SLC35F4: variants seen among roughly 807,000 people sequenced by gnomAD.
SLC35F4 encodes the protein solute carrier family 35 member F4, also known as chromosome 14 open reading frame 36.
A neutral mutation model predicts 44.2 loss-of-function variants in SLC35F4; 24 were observed. That is an observed-to-expected ratio of 0.54 (90% CI 0.39 to 0.76). SLC35F4 has a LOEUF of 0.76. Among genes scored for constraint, SLC35F4 ranks in the 30% least tolerant of loss-of-function variants. The pLI, the probability that SLC35F4 is intolerant of heterozygous loss-of-function variation, is 0.00. For missense variants in SLC35F4, 562 were observed against 586.1 expected, an observed-to-expected ratio of 0.96 and a Z score of 0.42; for synonymous variants, 238 against 223.6, an observed-to-expected ratio of 1.06 and a Z score of -0.57.
intron 1 of SLC35F4, among the ~76,000 whole-genome samples, chr14:57,688,541 T>C (rs2075133532): frequency 6.6e-6 from 1 of 152,222 alleles, no homozygotes; most frequent in Non-Finnish European, 1.5e-5. Context: ...CATATGTTTA[T>C]AGTTTCTGTT....
chr14:57,931,992 C>T (rs900117714), intron 1 of SLC35F4, among the ~76,000 whole-genome samples: 2 of 152,204 alleles, frequency 1.3e-5, no homozygotes, highest in African/African-American at 4.8e-5. Context: ...CTTATTTACT[C>T]TTGACAATGG....
chr14:57,592,456 A>G (rs1174730881), intron 2 of SLC35F4, among the ~76,000 whole-genome samples: 2 of 152,172 alleles, frequency 1.3e-5, no homozygotes, highest in African/African-American at 2.4e-5. Context: ...CTTATGTTCC[A>G]GATGATCTTT....
intron 1 of SLC35F4, among the ~76,000 whole-genome samples, chr14:57,958,704 G>A (rs1267814434): frequency 6.6e-6 from 1 of 152,090 alleles, no homozygotes; most frequent in Non-Finnish European, 1.5e-5. Flanking sequence ...ACCTTTTTAG[G>A]AATGCCTAAA....
rs368125409 is a variant in SLC35F4, at chr14:57,773,859, T to C, written c.103+91864A>G. 7.2e-4 allele frequency among the ~76,000 whole-genome samples: 110 copies of C among 152,256 alleles called. 3 individuals carry two copies. In the East Asian group the frequency reaches 8.1e-3, roughly 11 times the overall value. On this transcript the variant is annotated intron_variant, in intron 1 of 7. Transcript: ENST00000556826. ...TAGGCCCTGAGAAATTGGTATGCAC[T>C]AGTCACAGGAGCCCATGTATTAAAT...
intron 1 of SLC35F4, among the ~76,000 whole-genome samples, chr14:57,719,801 A>AT (rs1437693396): frequency 2.0e-5 from 3 of 151,636 alleles, no homozygotes; most frequent in Admixed American, 6.6e-5. Context: ...GATACCCTTT[A>AT]TTTTTTTCTC....
At chr14:57,933,543 A>G (rs1324474425) in intron 1 of SLC35F4, among the ~76,000 whole-genome samples, 2 of 152,176 alleles carry the variant, frequency 1.3e-5, no homozygotes, top group Non-Finnish European at 2.9e-5. Flanking sequence ...AGAGGAAATA[A>G]GAGGACAAAG....
intron 1 of SLC35F4, among the ~76,000 whole-genome samples, chr14:57,883,938 T>C (rs1888595008): frequency 6.6e-6 from 1 of 152,194 alleles, no homozygotes; most frequent in Non-Finnish European, 1.5e-5. Flanking sequence ...ATTTACAAGC[T>C]CCAATTTTAA....
rs140686165 is a variant in SLC35F4, at chr14:57,590,646, C to G, written c.290-1133G>C. Reference sequence around the variant, plus strand: ...AAAAAACAAGTTAACATAATGAATTCATGTACCTTTCAGGAAGTTAAACAG... The same window carrying G: ...AAAAAACAAGTTAACATAATGAATTGATGTACCTTTCAGGAAGTTAAACAG... On this transcript the variant is annotated intron_variant, in intron 2 of 7. Transcript: ENST00000556826. Among the ~76,000 whole-genome samples, 232 of 152,290 alleles carry G rather than the reference C, an allele frequency of 1.5e-3. 2 individuals carry two copies. Among genetic ancestry groups the G allele is most frequent in the Middle Eastern group, 6.8e-3 (2 of 294 alleles).
At chr14:57,867,637 TTG>T (rs1322826382), upstream of SLC35F4, among the ~76,000 whole-genome samples, 1 of 150,810 alleles carries the variant, frequency 6.6e-6, no homozygotes, top group African/African-American at 2.4e-5. Flanking sequence ...CAGCACACTT[TTG>T]TTAGTTTTAT....
At chr14:57,848,936 C>T (rs1886278659) in intron 1 of SLC35F4, among the ~76,000 whole-genome samples, 1 of 152,190 alleles carries the variant, frequency 6.6e-6, no homozygotes, top group African/African-American at 2.4e-5. Context: ...GAAATTCATG[C>T]TGCCTGCTGG....
chr14:57,656,217 A>G (rs1420590076), intron 1 of SLC35F4, among the ~76,000 whole-genome samples: 1 of 151,898 alleles, frequency 6.6e-6, no homozygotes. Context: ...GTGTGTGTAC[A>G]TATCTACCAA....
At chr14:57,684,500 T>A (rs1179404166) in intron 1 of SLC35F4, among the ~76,000 whole-genome samples, 2 of 151,922 alleles carry the variant, frequency 1.3e-5, no homozygotes, top group African/African-American at 4.8e-5. Flanking sequence ...GAGAATCTAA[T>A]GCCGCCACTC....
At chr14:57,869,269 G>A (rs910032004), upstream of SLC35F4, among the ~76,000 whole-genome samples, 4 of 151,458 alleles carry the variant, frequency 2.6e-5, no homozygotes, top group African/African-American at 9.7e-5. Context: ...CAGTCCTTGT[G>A]TCTGATGCTA....
At chr14:57,569,275 G>A (rs1372808128) in intron 6 of SLC35F4, among the ~76,000 whole-genome samples, 2 of 152,078 alleles carry the variant, frequency 1.3e-5, no homozygotes, top group Non-Finnish European at 2.9e-5. Flanking sequence ...AAATTACTAA[G>A]TGGACTTTAA....
intron 1 of SLC35F4, among the ~76,000 whole-genome samples, chr14:57,917,096 A>C (rs1889344323): frequency 6.6e-6 from 1 of 151,946 alleles, no homozygotes; most frequent in Non-Finnish European, 1.5e-5. Context: ...CCAGGCTCCC[A>C]GGCTCCCACG....
In SLC35F4 at chr14:57,902,575, A is replaced by AAAG. The variant is rs543650117; in HGVS notation, n.282+79335_282+79337dup. Among the ~76,000 whole-genome samples, 51 of 149,974 alleles carry AAAG rather than the reference A, an allele frequency of 3.4e-4. 1 individual carries two copies. The highest frequency in any genetic ancestry group is 1.6e-3 in the East Asian group (8 of 4,944). ...CGAAACTCAGTCTCAAAAAAAAAAA[A>AAAG]AAGAAGAAGAAGAAGAAGAAATTCT... On this transcript the variant is annotated intron_variant and non_coding_transcript_variant, in intron 1 of 1. Coordinates refer to the SLC35F4 transcript ENST00000556568.
In SLC35F4 at chr14:57,615,681, A is replaced by G. The variant is rs188986939; in HGVS notation, c.104-21557T>C. 2.1e-4 allele frequency among the ~76,000 whole-genome samples: 32 copies of G among 152,280 alleles called. 1 individual carries two copies. The East Asian group carries it at 5.0e-3, about 24-fold the overall frequency. On this transcript the variant is annotated intron_variant, in intron 1 of 7. Transcript: ENST00000556826. ...TACTGCTTTAAGGAGTGTATTTTTA[A>G]GAGAAATTTCAGTAGGTTATGTGAT...
At chr14:57,765,447 C>T (rs2077214180) in intron 1 of SLC35F4, among the ~76,000 whole-genome samples, 1 of 152,188 alleles carries the variant, frequency 6.6e-6, no homozygotes, top group Non-Finnish European at 1.5e-5. Flanking sequence ...GCATTGAGAA[C>T]CACAGACACG....
chr14:57,815,101 C>G (rs748789557), intron 1 of SLC35F4, among the ~76,000 whole-genome samples: 4 of 152,160 alleles, frequency 2.6e-5, no homozygotes, highest in Non-Finnish European at 5.9e-5. Flanking sequence ...TTTCAAAAGG[C>G]ACCAAATGGC....
Sources: allele counts gnomAD v4.1 joint callset (sites outside exome capture counted in the v4.1 genomes callset), GRCh38; gene constraint gnomAD v4.1.1; transcripts MANE v1.5; gene names NCBI Gene and HGNC (gene_info 2026-07-23, HGNC 2026-07-21).